Variants in TBC1D15 observed in about 807,000 individuals in gnomAD.
TBC1D15 encodes GAP for RAB7.
A neutral mutation model predicts 95.4 loss-of-function variants in TBC1D15; 39 were observed. The observed-to-expected ratio is 0.41, with a 90% CI of 0.32 to 0.53. TBC1D15 has a LOEUF of 0.53. Among genes scored for constraint, TBC1D15 ranks in the 20% least tolerant of loss-of-function variants. The pLI is 0.29. For synonymous variants in TBC1D15, 258 were observed against 261.3 expected, an observed-to-expected ratio of 0.99 and a Z score of 0.12; for missense variants, 733 against 794.3, an observed-to-expected ratio of 0.92 and a Z score of 0.93.
At position 71,894,796 on chromosome 12, in the gene TBC1D15, T is replaced by A; in HGVS notation, c.768T>A (p.Pro256=). Residue 256 remains proline, a synonymous_variant, in exon 7 of 17, where the codon CCT becomes CCA. Coordinates refer to ENST00000485960, the MANE Select transcript of TBC1D15 (RefSeq NM_001146213.3). Reference sequence around the variant, plus strand: ...ATCCCTCTACACATCAACGACCACCTTCAGAAATGGCAGATTTTCTTAGTG... The same window carrying A: ...ATCCCTCTACACATCAACGACCACCATCAGAAATGGCAGATTTTCTTAGTG... ...GSDPSTHQRP[P]SEMADFLSDA... 1 of 1,613,330 alleles carries A rather than the reference T, an allele frequency of 6.2e-7. No individual in the cohort carries two copies. The highest frequency in any genetic ancestry group is 2.2e-5 in the East Asian group (1 of 44,848).
At chr12:71,871,102 A>G (rs1336727026) in intron 1 of TBC1D15, among the ~76,000 whole-genome samples, 2 of 152,192 alleles carry the variant, frequency 1.3e-5, no homozygotes, top group African/African-American at 4.8e-5. Context: ...GGTCTCAAGA[A>G]TGGAATCTCA....
rs532625103 is a variant in TBC1D15, at chr12:71,856,087, A to G, written c.31-15983A>G. Among the ~76,000 whole-genome samples the G allele has an allele frequency of 3.3e-5, 5 of 152,276 alleles. 1 individual carries two copies. In the South Asian group the frequency reaches 8.3e-4, roughly 25 times the overall value. ...AACCACCCAACTTGATTTTGACACT[A>G]TGTATCCTTTGAGCAGTTTTCGTAT... On this transcript the variant is annotated intron_variant, in intron 1 of 16. Coordinates refer to ENST00000485960, the MANE Select transcript of TBC1D15 (RefSeq NM_001146213.3).
chr12:71,845,768 G>A (rs1886128250), intron 1 of TBC1D15, among the ~76,000 whole-genome samples: 1 of 152,162 alleles, frequency 6.6e-6, no homozygotes, highest in Non-Finnish European at 1.5e-5. Flanking sequence ...TGTTGTGTAT[G>A]ATAGGTGATG....
chr12:71,886,976 T>C (rs1218447731), intron 5 of TBC1D15, among the ~76,000 whole-genome samples: 2 of 152,122 alleles, frequency 1.3e-5, no homozygotes, highest in Non-Finnish European at 2.9e-5. Flanking sequence ...AGCTCCTCTC[T>C]CCTTTTTACT....
chr12:71,898,799 A>G (rs1159199868), intron 10 of TBC1D15, among the ~76,000 whole-genome samples: 1 of 152,182 alleles, frequency 6.6e-6, no homozygotes, highest in East Asian at 1.9e-4. Context: ...TTTAAATTAT[A>G]TTTAGAAAGC....
At chr12:71,849,451 G>A in intron 1 of TBC1D15, 1 of 1,042,702 alleles carries the variant, frequency 9.6e-7, no homozygotes. Flanking sequence ...GCCTCTTCAA[G>A]GGAAGATTCC....
intron 1 of TBC1D15, among the ~76,000 whole-genome samples, chr12:71,855,048 A>G (rs1008292185): frequency 3.3e-5 from 5 of 152,190 alleles, no homozygotes; most frequent in Non-Finnish European, 7.3e-5. Flanking sequence ...ACGGTTTCGC[A>G]TGGCTGGGGA....
At chr12:71,918,853 T>C (rs1399185851) in intron 14 of TBC1D15, among the ~76,000 whole-genome samples, 1 of 152,246 alleles carries the variant, frequency 6.6e-6, no homozygotes, top group Non-Finnish European at 1.5e-5. Flanking sequence ...TATGTGAGGC[T>C]TTGCCACATC....
chr12:71,886,556 G>A (rs969518129), intron 5 of TBC1D15, among the ~76,000 whole-genome samples: 1 of 152,228 alleles, frequency 6.6e-6, no homozygotes, highest in Admixed American at 6.5e-5. Flanking sequence ...CCTAAATTTA[G>A]ATTACATAAG....
intron 3 of TBC1D15, among the ~76,000 whole-genome samples, chr12:71,876,058 G>T (rs996790519): frequency 5.3e-5 from 8 of 152,108 alleles, no homozygotes; most frequent in African/African-American, 1.9e-4. Context: ...CTCCCAAAGT[G>T]CAGGGATTAC....
chr12:71,893,345 C>G, intron 6 of TBC1D15, 21 bp downstream of exon 6: 1 of 1,540,398 alleles, frequency 6.5e-7, no homozygotes, highest in South Asian at 1.2e-5. Flanking sequence ...TAAATCTATC[C>G]TGTATTATTC....
At chr12:71,885,128 G>A (rs1895985254) in intron 5 of TBC1D15, 107 bp downstream of exon 5, 2 of 998,724 alleles carry the variant, frequency 2.0e-6, no homozygotes, top group African/African-American at 3.2e-5. Flanking sequence ...TTGCATATGA[G>A]GACATGAACA....
Position 71,897,892 on chromosome 12 carries a change from G to C in TBC1D15, c.1134G>C (p.Gln378His). The change falls in exon 10 of 17, where the codon CAG becomes CAC. Residue 378 changes from glutamine (Q) to histidine (H), a missense_variant. Transcript: ENST00000485960. ...AACTGCAGTGGAAATCCATCAGCCA[G>C]GAACAAGAGAAAAGAAATTCGAGGT... ...RMKLQWKSIS[Q>H]EQEKRNSRLR... The C allele has an allele frequency of 6.2e-7, 1 of 1,612,716 alleles. No individual in the cohort carries two copies. Among genetic ancestry groups the C allele is most frequent in the Non-Finnish European group, 8.5e-7 (1 of 1,179,140 alleles).
At chr12:71,856,823 C>G (rs1889187495) in intron 1 of TBC1D15, among the ~76,000 whole-genome samples, 2 of 152,114 alleles carry the variant, frequency 1.3e-5, no homozygotes, top group Non-Finnish European at 2.9e-5. Context: ...AAGTTGATAG[C>G]CTTTTTCATT....
chr12:71,859,388 C>G (rs1889874945), intron 1 of TBC1D15, among the ~76,000 whole-genome samples: 1 of 152,070 alleles, frequency 6.6e-6, no homozygotes. Context: ...TTCTCCCATT[C>G]TATAGGTTGT....
intron 3 of TBC1D15, 54 bp from the exon 4 acceptor site, chr12:71,880,415 T>C (rs1894899565): frequency 1.4e-6 from 2 of 1,454,696 alleles, no homozygotes; most frequent in Admixed American, 2.2e-5. Flanking sequence ...TGATATGGAT[T>C]GAAATTAAAT....
Position 71,893,324 on chromosome 12 carries a change from A to G in TBC1D15, c.657A>G (p.Gln219=), listed in dbSNP as rs373011651. 6.6e-5 allele frequency: 106 copies of G among 1,599,326 alleles called. No homozygotes were observed. The highest frequency in any genetic ancestry group is 8.2e-5 in the Non-Finnish European group (96 of 1,169,232). ...ATGAGCCAGCATATGGTTTAATACA[A>G]GTATGTTCCTTAAATCTATCCTGTA... is the stretch of plus-strand genomic sequence containing the variant. ...LLDEPAYGLI[Q]KIKKDPYTAT... is the part of the protein sequence containing the mutation. Residue 219 remains glutamine, a splice_region_variant and synonymous_variant, in exon 6 of 17, where the codon CAA becomes CAG. Coordinates refer to ENST00000485960, the MANE Select transcript of TBC1D15 (RefSeq NM_001146213.3).
intron 6 of TBC1D15, 113 bp from the exon 7 acceptor site, chr12:71,894,573 T>C: frequency 8.9e-7 from 1 of 1,122,390 alleles, no homozygotes; most frequent in Non-Finnish European, 1.3e-6. Flanking sequence ...GAACACTCTG[T>C]TTTAGTCCTG....
rs779762040 is a variant in TBC1D15 at position 71,923,233 on chromosome 12, C to T, written c.*29C>T. 1 of 1,600,836 alleles carries T rather than the reference C, an allele frequency of 6.2e-7. No individual in the cohort carries two copies. The highest frequency in any genetic ancestry group is 1.1e-5 in the South Asian group (1 of 90,546). ...CTGTTCTTGCTTTTTTGGGAAGAGA[C>T]ACTTTGTTGCAACCCTTTTTCAAGT... On this transcript the variant is annotated 3_prime_UTR_variant, in exon 17 of 17. Coordinates refer to ENST00000485960, the MANE Select transcript of TBC1D15 (RefSeq NM_001146213.3).
Sources: allele counts gnomAD v4.1 joint callset (sites outside exome capture counted in the v4.1 genomes callset), GRCh38; gene constraint gnomAD v4.1.1; transcripts MANE v1.5; gene names NCBI Gene and HGNC (gene_info 2026-07-23, HGNC 2026-07-21).